CIMAP3: variants seen among roughly 807,000 people sequenced by gnomAD.
The protein encoded by CIMAP3 is ciliary microtubule associated protein 3.
At chr1:111,327,415 T>C in the CIMAP3 span, among the ~76,000 whole-genome samples, 1 of 152,158 alleles carries the variant, frequency 6.6e-6, no homozygotes, top group African/African-American at 2.4e-5. Flanking sequence ...TTTGGAATCA[T>C]TTCTGTAGGA....
the CIMAP3 span, chr1:111,346,431 A>G: frequency 1.6e-5 from 9 of 559,572 alleles, no homozygotes; most frequent in Non-Finnish European, 2.8e-5. Flanking sequence ...GAATCCAGGA[A>G]ACCCTCTACC....
At chr1:111,348,392 G>A in the CIMAP3 span, 17 of 1,034,904 alleles carry the variant, frequency 1.6e-5, no homozygotes, top group South Asian at 2.7e-4. Flanking sequence ...GTAGCTTGAG[G>A]TGGCTGAACC....
chr1:111,351,426 T>G, the CIMAP3 span: 1 of 1,091,994 alleles, frequency 9.2e-7, no homozygotes, highest in Admixed American at 2.8e-5. Context: ...GGCCCTCTTG[T>G]CTGGCAGCCT....
At chr1:111,335,127 C>CAA in the CIMAP3 span, among the ~76,000 whole-genome samples, 37 of 29,332 alleles carry the variant, frequency 1.3e-3, 4 homozygotes, top group East Asian at 3.6e-3. Context: ...GTCTCTGTCT[C>CAA]AAAAAAAAAA....
At chr1:111,328,201 T>C in the CIMAP3 span, among the ~76,000 whole-genome samples, 1 of 152,240 alleles carries the variant, frequency 6.6e-6, no homozygotes, top group African/African-American at 2.4e-5. Context: ...TATTGTGCTG[T>C]GGTTTAAGAG....
At chr1:111,350,850 T>C in the CIMAP3 span, among the ~76,000 whole-genome samples, 1 of 152,254 alleles carries the variant, frequency 6.6e-6, no homozygotes, top group South Asian at 2.1e-4. Flanking sequence ...AATTGTTCAA[T>C]CTGTTAGCTA....
the CIMAP3 span, among the ~76,000 whole-genome samples, chr1:111,336,476 G>A: frequency 6.6e-6 from 1 of 152,148 alleles, no homozygotes; most frequent in Non-Finnish European, 1.5e-5. Context: ...TGTATAACTA[G>A]AATAACCAAT....
At chr1:111,331,602 T>A in the CIMAP3 span, among the ~76,000 whole-genome samples, 1 of 152,180 alleles carries the variant, frequency 6.6e-6, no homozygotes, top group Non-Finnish European at 1.5e-5. Context: ...ACTGTTTTCC[T>A]TATTTCATTG....
the CIMAP3 span, among the ~76,000 whole-genome samples, chr1:111,325,291 C>T: frequency 6.6e-6 from 1 of 152,140 alleles, no homozygotes; most frequent in Non-Finnish European, 1.5e-5. Flanking sequence ...TATAGATAAA[C>T]CAAGGCTTAG....
chr1:111,348,476 A>G, the CIMAP3 span: 3 of 1,551,784 alleles, frequency 1.9e-6, no homozygotes, highest in Non-Finnish European at 2.6e-6. Context: ...ATATATATAC[A>G]TATCACTCTG....
chr1:111,350,392 T>C, the CIMAP3 span, among the ~76,000 whole-genome samples: 1 of 152,244 alleles, frequency 6.6e-6, no homozygotes, highest in Admixed American at 6.5e-5. Context: ...TTTTGGAGAA[T>C]TACACTATTT....
At chr1:111,347,562 A>T in the CIMAP3 span, 1 of 671,378 alleles carries the variant, frequency 1.5e-6, no homozygotes, top group Admixed American at 2.5e-5. Flanking sequence ...ATGGGAACAC[A>T]CTAAGCTCAC....
the CIMAP3 span, chr1:111,351,600 G>A: frequency 7.0e-6 from 2 of 287,464 alleles, no homozygotes; most frequent in South Asian, 1.3e-4. Context: ...TGAAATATTT[G>A]TGGGCCCCTG....
the CIMAP3 span, chr1:111,347,612 T>A: frequency 2.6e-6 from 3 of 1,140,110 alleles, no homozygotes; most frequent in Admixed American, 6.1e-5. Flanking sequence ...CTATGCGTTG[T>A]TTTTTCTTTC....
the CIMAP3 span, among the ~76,000 whole-genome samples, chr1:111,330,861 G>A: frequency 7.9e-3 from 1,206 of 152,302 alleles, 16 homozygotes; most frequent in African/African-American, 0.027. Context: ...CCCAAGCCAG[G>A]GGTTCCTTGT....
chr1:111,346,255 C>T, the CIMAP3 span: 6 of 177,600 alleles, frequency 3.4e-5, no homozygotes, highest in East Asian at 9.6e-4. Context: ...GAGTCCACCC[C>T]GGTACGCTGC....
At chr1:111,346,784 C>A in the CIMAP3 span, 11 of 1,561,486 alleles carry the variant, frequency 7.0e-6, no homozygotes, top group South Asian at 1.1e-4. Context: ...AGGAGTTTGG[C>A]GTGGTTTTGT....
the CIMAP3 span, chr1:111,351,256 C>T: frequency 1.3e-6 from 2 of 1,594,696 alleles, no homozygotes; most frequent in South Asian, 2.2e-5. Context: ...TCTTTCATTG[C>T]AGCTGTCCAC....
chr1:111,335,552 A>C, the CIMAP3 span, among the ~76,000 whole-genome samples: 1,203 of 152,386 alleles, frequency 7.9e-3, 15 homozygotes, highest in African/African-American at 0.027. Context: ...GATTATATCC[A>C]GCACTGGCTC....
Sources: gnomAD v4.1 joint callset for allele counts (sites outside exome capture counted in the v4.1 genomes callset) on GRCh38, gnomAD v4.1.1 for gene constraint, MANE v1.5 for transcripts, NCBI Gene and HGNC (gene_info 2026-07-23, HGNC 2026-07-21) for gene names.